ELMO1: variants seen among roughly 807,000 people sequenced by gnomAD.
The protein encoded by ELMO1 is engulfment and cell motility 1, also known as engulfment and cell motility protein 1.
A neutral mutation model predicts 98.9 loss-of-function variants in ELMO1; 26 were observed. The ratio of observed to expected loss-of-function variants is 0.26; its 90% CI spans 0.19 to 0.36. The LOEUF (loss-of-function observed/expected upper bound fraction) is 0.36, where lower values mean the gene tolerates loss of function less well. ELMO1 is among the 10% of genes least tolerant of loss of function. The pLI is 1.00. For missense variants in ELMO1, 627 were observed against 935.2 expected, an observed-to-expected ratio of 0.67 and a Z score of 4.30; for synonymous variants, 346 against 346.0, an observed-to-expected ratio of 1.00 and a Z score of 0.00.
At chr7:37,279,415 G>A (rs895771404) in intron 4 of ELMO1, among the ~76,000 whole-genome samples, 1 of 152,170 alleles carries the variant, frequency 6.6e-6, no homozygotes, top group Non-Finnish European at 1.5e-5. Flanking sequence ...CAGATAGACT[G>A]CAAGGACAAA....
intron 7 of ELMO1, among the ~76,000 whole-genome samples, chr7:37,240,706 T>C (rs1261756053): frequency 6.6e-6 from 1 of 152,232 alleles, no homozygotes; most frequent in Non-Finnish European, 1.5e-5. Context: ...TATTTCATAA[T>C]TTCAACTGAG....
intron 17 of ELMO1, among the ~76,000 whole-genome samples, chr7:36,889,887 T>C (rs954336976): frequency 5.9e-5 from 9 of 152,206 alleles, no homozygotes; most frequent in Non-Finnish European, 1.3e-4. Context: ...GACAGCTCTT[T>C]CTTTCTTTCT....
At chr7:36,923,367 G>A (rs1378227053) in intron 16 of ELMO1, among the ~76,000 whole-genome samples, 2 of 152,166 alleles carry the variant, frequency 1.3e-5, no homozygotes, top group South Asian at 2.1e-4. Flanking sequence ...GAGAGTAAAG[G>A]TCAAGAGGAA....
At chr7:37,247,895 ATGTGTGTGTGTGTG>A (rs58502667) in intron 6 of ELMO1, among the ~76,000 whole-genome samples, 1 of 146,554 alleles carries the variant, frequency 6.8e-6, no homozygotes, top group Non-Finnish European at 1.5e-5. Context: ...TTGAAATAAA[ATGTGTGTGTGTGTG>A]TGTGTGTGTG....
intron 13 of ELMO1, among the ~76,000 whole-genome samples, chr7:37,190,755 C>T (rs1210162854): frequency 2.0e-5 from 3 of 152,150 alleles, no homozygotes; most frequent in African/African-American, 7.2e-5. Context: ...CCACATCAGC[C>T]TCCCAAAGTG....
chr7:37,327,984 T>C (rs1799906385), intron 2 of ELMO1, among the ~76,000 whole-genome samples: 1 of 152,230 alleles, frequency 6.6e-6, no homozygotes, highest in African/African-American at 2.4e-5. Flanking sequence ...TGATACAGTG[T>C]AGCAACAGCT....
chr7:37,315,119 A>T (rs548096057), intron 3 of ELMO1, among the ~76,000 whole-genome samples, 197 bp from the exon 4 acceptor site: 1 of 152,182 alleles, frequency 6.6e-6, no homozygotes, highest in African/African-American at 2.4e-5. Context: ...TCATGTGTAG[A>T]CTGTCTAGAC....
chr7:36,887,034 T>C (rs1332133505), intron 18 of ELMO1, among the ~76,000 whole-genome samples: 2 of 152,118 alleles, frequency 1.3e-5, no homozygotes, highest in African/African-American at 4.8e-5. Context: ...AGGGGAGTCA[T>C]TAAAAGGAAG....
intron 1 of ELMO1, among the ~76,000 whole-genome samples, chr7:37,443,541 C>T (rs557610185): frequency 6.6e-6 from 1 of 152,304 alleles, no homozygotes; most frequent in East Asian, 1.9e-4. Context: ...GTTCACCCCA[C>T]CTTAGGCCAA....
At chr7:37,005,201 C>T (rs1363081503) in intron 16 of ELMO1, among the ~76,000 whole-genome samples, 1 of 151,670 alleles carries the variant, frequency 6.6e-6, no homozygotes, top group Non-Finnish European at 1.5e-5. Context: ...AGATTCCTCG[C>T]ATGCTCCTTC....
intron 21 of ELMO1, among the ~76,000 whole-genome samples, chr7:36,858,934 T>C (rs886963048): frequency 6.6e-6 from 1 of 152,254 alleles, no homozygotes; most frequent in African/African-American, 2.4e-5. Context: ...TAAATTTGTG[T>C]TCTTTAACAC....
At chr7:37,249,718 G>A (rs536156851) in intron 6 of ELMO1, among the ~76,000 whole-genome samples, 11 of 152,268 alleles carry the variant, frequency 7.2e-5, no homozygotes, top group African/African-American at 2.4e-4. Context: ...CTCTGAGTCA[G>A]GAATTTTATT....
chr7:37,137,387 A>T (rs1044088455), intron 13 of ELMO1, among the ~76,000 whole-genome samples: 5 of 152,176 alleles, frequency 3.3e-5, no homozygotes, highest in Non-Finnish European at 7.3e-5. Flanking sequence ...TCAACAAAGA[A>T]ACAATGGACT....
chr7:37,326,658 T>G (rs768308335), intron 2 of ELMO1, among the ~76,000 whole-genome samples: 2 of 152,228 alleles, frequency 1.3e-5, no homozygotes, highest in Non-Finnish European at 2.9e-5. Context: ...AAAAGTGTCT[T>G]GTTTCAAGCT....
chr7:37,059,184 A>C (rs1379887160), intron 15 of ELMO1, among the ~76,000 whole-genome samples: 1 of 152,224 alleles, frequency 6.6e-6, no homozygotes, highest in Non-Finnish European at 1.5e-5. Context: ...AATAAACCCA[A>C]GGGAGCCAAT....
Position 37,213,426 on chromosome 7 carries a change from T to C in ELMO1, c.863A>G (p.Asn288Ser), listed in dbSNP as rs1323952793. ...AACATACAGCTGGTGCGCCATCTCA[T>C]TGTTGATGGCCCGCTGGGCTCGGAT... The part of the protein sequence containing the change: ...HVIRAQRAIN[N>S]EMAHQLYVLQ... Residue 288 changes from asparagine to serine, a missense_variant, in exon 12 of 22, where the codon AAT becomes AGT. Physicochemically the swap from Asn to Ser is conservative, Grantham distance 46. Transcript: ENST00000310758. 6 of 1,612,166 alleles carry C rather than the reference T, an allele frequency of 3.7e-6. No individual in the cohort carries two copies. In the African/African-American group the frequency reaches 4.0e-5, roughly 11 times the overall value.
At chr7:37,075,045 T>A (rs1797490429) in intron 15 of ELMO1, among the ~76,000 whole-genome samples, 1 of 152,186 alleles carries the variant, frequency 6.6e-6, no homozygotes, top group African/African-American at 2.4e-5. Context: ...TGTGAAGATG[T>A]CCACGAGCAA....
chr7:37,059,077 G>A (rs1026511913), intron 15 of ELMO1, among the ~76,000 whole-genome samples: 2 of 152,178 alleles, frequency 1.3e-5, no homozygotes, highest in Admixed American at 6.5e-5. Flanking sequence ...TCAGATGAGA[G>A]TTTCATGCTG....
intron 4 of ELMO1, among the ~76,000 whole-genome samples, chr7:37,307,771 C>G (rs1798686445): frequency 6.6e-6 from 1 of 152,160 alleles, no homozygotes; most frequent in Non-Finnish European, 1.5e-5. Flanking sequence ...TTTCCTTGGA[C>G]TCAAAGTGCT....
Sources: allele counts gnomAD v4.1 joint callset (sites outside exome capture counted in the v4.1 genomes callset), GRCh38; gene constraint gnomAD v4.1.1; transcripts MANE v1.5; gene names NCBI Gene and HGNC (gene_info 2026-07-23, HGNC 2026-07-21).